MAPK8IP3: variants seen among roughly 807,000 people sequenced by gnomAD.
The protein encoded by MAPK8IP3 is C-Jun-amino-terminal kinase-interacting protein 3.
Under a neutral mutation model 157.8 loss-of-function variants are expected in MAPK8IP3, and 49 were observed. That is an observed-to-expected ratio of 0.31 (90% CI 0.25 to 0.39). MAPK8IP3 has a LOEUF of 0.39. Ranked by LOEUF, MAPK8IP3 falls within the 10% of genes least tolerant of loss-of-function variation. The pLI, the probability that MAPK8IP3 is intolerant of heterozygous loss-of-function variation, is 1.00. For missense variants in MAPK8IP3, 1,478 were observed against 1,889.4 expected (o/e 0.78, Z 4.04); for synonymous variants, 897 against 777.7 (o/e 1.15, Z -2.55).
In MAPK8IP3 at chr16:1,769,120, C is replaced by A; in HGVS notation, c.*296C>A. ...CAAGTCCAGGGCACCTTGGGCCCAG[C>A]GCAGGCAGAATCCGAGGTGGTCCTG... On this transcript the variant is annotated 3_prime_UTR_variant, in exon 32 of 32. Coordinates refer to ENST00000610761, the MANE Select transcript of MAPK8IP3 (RefSeq NM_001318852.2). 1 of 444,992 alleles carries A rather than the reference C, an allele frequency of 2.2e-6. No individual in the cohort carries two copies. Among genetic ancestry groups the A allele is most frequent in the South Asian group, 2.3e-5 (1 of 42,666 alleles). 27.6% of individuals were successfully genotyped at this position (444,992 alleles called of 1,614,324 possible). A position where few individuals can be genotyped will look rare whatever the true frequency, so the allele number is the denominator to read the frequency against.
rs35261563 is a variant in MAPK8IP3 at position 1,767,596 on chromosome 16, C to T, written c.3270C>T (p.Ser1090=). ...KSFDAHPRRE[S]QVRQLAWIGD... is the part of the protein sequence containing the mutation. The stretch of plus-strand genomic sequence containing the variant: ...TTGACGCCCACCCGCGGCGGGAGAG[C>T]CAGGTGCGGCAGCTGGCGTGGATCG... The change falls in exon 27 of 32, where the codon AGC becomes AGT. Residue 1090 remains serine (S), a synonymous_variant. Coordinates refer to ENST00000610761, the MANE Select transcript of MAPK8IP3 (RefSeq NM_001318852.2). The T allele has an allele frequency of 4.2e-5, 67 of 1,612,354 alleles. No homozygotes were observed. The African/African-American group carries it at 8.0e-4, about 19-fold the overall frequency.
intron 4 of MAPK8IP3, among the ~76,000 whole-genome samples, chr16:1,731,445 A>G (rs1242508677): frequency 1.3e-5 from 2 of 152,228 alleles, no homozygotes; most frequent in Non-Finnish European, 2.9e-5. Context: ...GGACAAGGCG[A>G]TGCTCTGCCC....
Position 1,748,358 on chromosome 16 carries a change from G to C in MAPK8IP3, c.1097+12G>C. 1 of 1,609,284 alleles carries C rather than the reference G, an allele frequency of 6.2e-7. No individual in the cohort carries two copies. Among genetic ancestry groups the C allele is most frequent in the Non-Finnish European group, 8.5e-7 (1 of 1,176,386 alleles). On this transcript the variant is annotated intron_variant, in intron 7 of 31. Coordinates refer to ENST00000610761, the MANE Select transcript of MAPK8IP3 (RefSeq NM_001318852.2). ...CGCACAGGAAGCAGGTACTGGCTCA[G>C]CCCAGGCCCTGGGGTCCTGGGGGCT...
intron 28 of MAPK8IP3, 39 bp downstream of exon 28, chr16:1,767,957 C>T (rs1344459493): frequency 6.2e-7 from 1 of 1,607,816 alleles, no homozygotes; most frequent in African/African-American, 1.3e-5. Flanking sequence ...GTGGTGCTGC[C>T]AGAGGTGTAC....
At chr16:1,718,311 A>T (rs1418615159) in intron 1 of MAPK8IP3, among the ~76,000 whole-genome samples, 1 of 151,176 alleles carries the variant, frequency 6.6e-6, no homozygotes, top group African/African-American at 2.4e-5. Flanking sequence ...CAGCCTCCTG[A>T]GTAGCTGGGA....
At chr16:1,733,446 C>T (rs1567158606) in intron 4 of MAPK8IP3, among the ~76,000 whole-genome samples, 1 of 152,246 alleles carries the variant, frequency 6.6e-6, no homozygotes, top group Non-Finnish European at 1.5e-5. Context: ...CCAGAGCCGC[C>T]TGATGCTGCC....
chr16:1,706,286 G>A lies in MAPK8IP3; in HGVS notation c.-54G>A. The A allele has an allele frequency of 4.1e-6, 6 of 1,469,718 alleles. No homozygotes were observed. Among genetic ancestry groups the A allele is most frequent in the East Asian group, 2.5e-5 (1 of 39,246 alleles). 91.0% of individuals were successfully genotyped at this position (1,469,718 alleles called of 1,614,324 possible). On this transcript the variant is annotated 5_prime_UTR_variant, in exon 1 of 32. Transcript: ENST00000610761. This position sits in a 1 kb window ranked among gnomAD's most constrained non-coding sequence, Gnocchi z 5.1. Reference sequence around the variant, plus strand: ...CTGCGGAACCTGAGGCAGCTGGGGAGGGCCGGGCGCGCCGGCCGGATAGCG... The same window carrying A: ...CTGCGGAACCTGAGGCAGCTGGGGAAGGCCGGGCGCGCCGGCCGGATAGCG...
Position 1,764,109 on chromosome 16 carries a change from C to T in MAPK8IP3, c.2026-6C>T. ...CGTGCCCACGGCGCCTCCCTGCTCC[C>T]TGCAGCTGAGTCCCAACGGGGGCCA... On this transcript the variant is annotated splice_polypyrimidine_tract_variant and splice_region_variant and intron_variant, in intron 17 of 31. Transcript: ENST00000610761. The T allele has an allele frequency of 6.2e-7, 1 of 1,604,932 alleles. No homozygotes were observed. Among genetic ancestry groups the T allele is most frequent in the Non-Finnish European group, 8.5e-7 (1 of 1,176,028 alleles).
intron 6 of MAPK8IP3, 135 bp from the exon 7 acceptor site, chr16:1,748,109 C>G: frequency 1.5e-6 from 1 of 662,522 alleles, no homozygotes; most frequent in East Asian, 2.7e-5. Flanking sequence ...CTGGGAAGAG[C>G]TGTTTTCTGA....
At chr16:1,745,288 C>T (rs1401519088) in intron 5 of MAPK8IP3, 3 of 578,918 alleles carry the variant, frequency 5.2e-6, no homozygotes, top group Non-Finnish European at 6.5e-6. Context: ...ACAGCTACAC[C>T]CTGCCTGGCC....
rs1167628204 is a variant in MAPK8IP3 at position 1,736,767 on chromosome 16, C to T, written c.603-6565C>T. Among the ~76,000 whole-genome samples, 5 of 55,110 alleles carry T rather than the reference C, an allele frequency of 9.1e-5. No homozygotes were observed. The South Asian group carries it at 6.5e-3, about 72-fold the overall frequency. The allele number at this position is 55,110 out of a possible 152,430, so 36.2% of individuals were successfully genotyped here. On this transcript the variant is annotated intron_variant, in intron 4 of 31. Coordinates refer to ENST00000610761, the MANE Select transcript of MAPK8IP3 (RefSeq NM_001318852.2). ...CCATCCATGTGAGCATCCGTGTGACCGTCTGTGTGACCATCCGTGTGTGAC... is the reference window on the plus strand; with the variant it reads ...CCATCCATGTGAGCATCCGTGTGACTGTCTGTGTGACCATCCGTGTGTGAC...
At chr16:1,761,085 G>A (rs2041905804) in intron 12 of MAPK8IP3, 139 bp from the exon 13 acceptor site, 2 of 691,286 alleles carry the variant, frequency 2.9e-6, no homozygotes, top group African/African-American at 1.8e-5. Context: ...CCAAACGGCT[G>A]CTGAAGGGGT....
At chr16:1,752,252 G>A (rs766571517) in intron 8 of MAPK8IP3, 3 of 166,710 alleles carry the variant, frequency 1.8e-5, no homozygotes, top group African/African-American at 4.8e-5. Context: ...GATGGAGGCC[G>A]AGTCACTGTG....
Position 1,719,688 on chromosome 16 carries a change from C to A in MAPK8IP3, c.319-4869C>A, listed in dbSNP as rs56270312. 6.8e-4 allele frequency among the ~76,000 whole-genome samples: 87 copies of A among 127,838 alleles called. 1 individual carries two copies. Among genetic ancestry groups the A allele is most frequent in the East Asian group, 5.1e-3 (23 of 4,526 alleles). 83.9% of individuals were successfully genotyped at this position (127,838 alleles called of 152,430 possible). A position where few individuals can be genotyped will look rare whatever the true frequency, so the allele number is the denominator to read the frequency against. ...CTCTACAAAAAAAAAAAAAAAAAAA[C>A]CACAAAAATTAGCCCAATGTGGTGG... On this transcript the variant is annotated intron_variant, in intron 1 of 31. Coordinates refer to ENST00000610761, the MANE Select transcript of MAPK8IP3 (RefSeq NM_001318852.2).
At chr16:1,730,889 C>T (rs1290722739) in intron 4 of MAPK8IP3, among the ~76,000 whole-genome samples, 5 of 150,622 alleles carry the variant, frequency 3.3e-5, no homozygotes, top group Admixed American at 6.6e-5. Flanking sequence ...CCTGTAATCC[C>T]GGCACTTTGG....
At chr16:1,738,719 G>A (rs2040307739) in intron 4 of MAPK8IP3, among the ~76,000 whole-genome samples, 1 of 136,160 alleles carries the variant, frequency 7.3e-6, no homozygotes, top group Non-Finnish European at 1.6e-5. Flanking sequence ...GAGCATCCGT[G>A]TGAGTGTGAC....
chr16:1,767,319 G>T (rs375763368), intron 26 of MAPK8IP3, 22 bp downstream of exon 26: 1 of 1,611,870 alleles, frequency 6.2e-7, no homozygotes, highest in Admixed American at 1.7e-5. Context: ...CCAGGGCCCC[G>T]GGGAGGGGAA....
At chr16:1,746,946 C>CG (rs1567181780) in intron 5 of MAPK8IP3, 83 bp from the exon 6 acceptor site, 19 of 1,495,976 alleles carry the variant, frequency 1.3e-5, no homozygotes, top group Non-Finnish European at 1.6e-5. Context: ...CATTGGTGCG[C>CG]GGGGCCTCAG....
At chr16:1,758,366 AC>A (rs1279349720) in intron 9 of MAPK8IP3, among the ~76,000 whole-genome samples, 1 of 149,916 alleles carries the variant, frequency 6.7e-6, no homozygotes, top group African/African-American at 2.5e-5. Context: ...TGGATATCCA[AC>A]CCCCCCAGCC....
Sources: allele counts gnomAD v4.1 joint callset (sites outside exome capture counted in the v4.1 genomes callset), GRCh38; gene constraint gnomAD v4.1.1; non-coding constraint Gnocchi (gnomAD v3.1); transcripts MANE v1.5; gene names NCBI Gene and HGNC (gene_info 2026-07-23, HGNC 2026-07-21).